ALDH1L2: variants seen among roughly 807,000 people sequenced by gnomAD.
The protein encoded by ALDH1L2 is mitochondrial 10-formyltetrahydrofolate dehydrogenase.
Under a neutral mutation model 111.0 loss-of-function variants are expected in ALDH1L2, and 91 were observed. The ratio of observed to expected loss-of-function variants is 0.82; its 90% CI spans 0.69 to 0.98. The LOEUF is 0.98. ALDH1L2 is among the 50% of genes least tolerant of loss of function. ALDH1L2 has a pLI of 0.00. For synonymous variants in ALDH1L2, 374 were observed against 392.6 expected, an observed-to-expected ratio of 0.95 and a Z score of 0.56; for missense variants, 995 against 1,126.8, an observed-to-expected ratio of 0.88 and a Z score of 1.67.
In ALDH1L2 at chr12:105,052,122, C is replaced by T; in HGVS notation, c.1503G>A (p.Met501Ile). The change falls in exon 12 of 23, where the codon ATG becomes ATA. Residue 501 changes from methionine to isoleucine, a missense_variant. Physicochemically the swap from Met to Ile is conservative, Grantham distance 10. Coordinates refer to ENST00000258494, the MANE Select transcript of ALDH1L2 (RefSeq NM_001034173.4). The part of the protein sequence containing the change: ...DAFENGEWGR[M>I]NARERGRLMY... ...TCAATCTTCCTCTTTCTCTTGCATT[C>T]ATTCTTCCCCATTCACCGTTTTCAA... is the stretch of plus-strand genomic sequence containing the variant. The T allele has an allele frequency of 1.9e-6, 3 of 1,610,414 alleles. No homozygotes were observed. Among genetic ancestry groups the T allele is most frequent in the Non-Finnish European group, 1.7e-6 (2 of 1,178,334 alleles).
intron 9 of ALDH1L2, 122 bp from the exon 10 acceptor site, chr12:105,058,342 A>G (rs1876769684): frequency 4.1e-6 from 4 of 970,210 alleles, no homozygotes; most frequent in African/African-American, 3.4e-5. Context: ...TTTATATCCT[A>G]TGAGATCTTC....
intron 12 of ALDH1L2, 91 bp downstream of exon 12, chr12:105,051,999 G>A: frequency 1.6e-6 from 2 of 1,216,130 alleles, no homozygotes; most frequent in Non-Finnish European, 2.1e-6. Flanking sequence ...CCTGAGGTCA[G>A]GAATTTGAGA....
intron 6 of ALDH1L2, among the ~76,000 whole-genome samples, chr12:105,064,439 C>G (rs1045755868): frequency 2.0e-5 from 3 of 152,168 alleles, no homozygotes; most frequent in Non-Finnish European, 2.9e-5. Flanking sequence ...ATCCTGCACT[C>G]TTAACCATTA....
At chr12:105,068,677 CT>C in intron 4 of ALDH1L2, 41 bp downstream of exon 4, 3 of 1,376,232 alleles carry the variant, frequency 2.2e-6, no homozygotes, top group Non-Finnish European at 2.8e-6. Context: ...ATTTTCAAAA[CT>C]TTAAAGGTTT....
intron 5 of ALDH1L2, among the ~76,000 whole-genome samples, chr12:105,066,279 G>A (rs1877348081): frequency 6.6e-6 from 1 of 152,178 alleles, no homozygotes; most frequent in Admixed American, 6.5e-5. Context: ...TGTTTGCATA[G>A]TATCTCCTCT....
chr12:105,028,652 G>A (rs367859027), intron 21 of ALDH1L2, among the ~76,000 whole-genome samples: 7 of 152,306 alleles, frequency 4.6e-5, no homozygotes, highest in African/African-American at 1.7e-4. Context: ...CATTGCATAT[G>A]GTAGGGACCC....
In ALDH1L2 at chr12:105,049,875, T is replaced by A. The variant is rs1453010775; in HGVS notation, c.1686+33A>T. On this transcript the variant is annotated intron_variant, in intron 13 of 22. Transcript: ENST00000258494. ...TACAAACTAATCAATGTTAGTCCCT[T>A]TTTCTTTCAGAACAAATAATATTTG... is the stretch of plus-strand genomic sequence containing the variant. 4.4e-6 allele frequency: 7 copies of A among 1,587,840 alleles called. No individual in the cohort carries two copies. In the South Asian group the frequency reaches 8.1e-5, roughly 18 times the overall value.
chr12:105,058,022 T>C (rs1188921499), intron 10 of ALDH1L2, 51 bp downstream of exon 10: 2 of 1,556,492 alleles, frequency 1.3e-6, no homozygotes, highest in Non-Finnish European at 8.6e-7. Flanking sequence ...CAGTCTTTTA[T>C]AGTGTATGGA....
intron 21 of ALDH1L2, among the ~76,000 whole-genome samples, chr12:105,027,435 A>G (rs887786689): frequency 6.6e-6 from 1 of 152,130 alleles, no homozygotes; most frequent in African/African-American, 2.4e-5. Context: ...CATAAGGTTC[A>G]AGCCTCCTTC....
At chr12:105,041,646 ATT>A (rs1386247067) in intron 15 of ALDH1L2, among the ~76,000 whole-genome samples, 1 of 152,138 alleles carries the variant, frequency 6.6e-6, no homozygotes, top group Non-Finnish European at 1.5e-5. Context: ...CCAAATGGTG[ATT>A]TTCCAATTCC....
chr12:105,041,861 G>T (rs1423028122), intron 15 of ALDH1L2, among the ~76,000 whole-genome samples: 1 of 131,902 alleles, frequency 7.6e-6, no homozygotes, highest in African/African-American at 2.7e-5. Flanking sequence ...TCATTCTGAC[G>T]TGCCCCTATT....
chr12:105,051,230 A>G (rs1479155084), intron 12 of ALDH1L2, among the ~76,000 whole-genome samples: 3 of 152,094 alleles, frequency 2.0e-5, no homozygotes, highest in Non-Finnish European at 2.9e-5. Context: ...CTGGTGAATG[A>G]CCTTTATAGA....
chr12:105,035,825 CTATATA>C (rs370890697), intron 18 of ALDH1L2, among the ~76,000 whole-genome samples: 2,070 of 62,748 alleles, frequency 0.033, 193 homozygotes, highest in East Asian at 0.16. Context: ...TATAGTGTGT[CTATATA>C]TATATATATG....
At chr12:105,036,512 TTTTATATATATATATATATATATATA>T (rs1875124177) in intron 18 of ALDH1L2, among the ~76,000 whole-genome samples, 1 of 56,082 alleles carries the variant, frequency 1.8e-5, no homozygotes, top group Non-Finnish European at 3.5e-5. Flanking sequence ...TATATATATA[TTTTATATATATATATATATATATATA>T]TATATATATA....
intron 10 of ALDH1L2, among the ~76,000 whole-genome samples, chr12:105,056,354 A>G (rs1300980002): frequency 6.6e-6 from 1 of 152,176 alleles, no homozygotes; most frequent in Non-Finnish European, 1.5e-5. Context: ...TCCCAAGTGA[A>G]CAAAAACAGA....
chr12:105,036,846 C>T (rs1191260503), intron 18 of ALDH1L2, among the ~76,000 whole-genome samples: 1 of 152,064 alleles, frequency 6.6e-6, no homozygotes, highest in Non-Finnish European at 1.5e-5. Flanking sequence ...CTAACCCAGA[C>T]ATCCAGGGGA....
At position 105,070,805 on chromosome 12, in the gene ALDH1L2, C is replaced by T; in HGVS notation, c.194-1G>A. ...GTCCCATCTTTCTCTGCAGCCAAAG[C>T]TGAGCATAAAAAAGAAGATTTTTTT... On this transcript the variant is annotated splice_acceptor_variant, in intron 2 of 22. Coordinates refer to ENST00000258494, the MANE Select transcript of ALDH1L2 (RefSeq NM_001034173.4). LOFTEE classifies it high-confidence loss of function. 6.2e-7 allele frequency: 1 copy of T among 1,601,946 alleles called. No homozygotes were observed. Among genetic ancestry groups the T allele is most frequent in the Non-Finnish European group, 8.5e-7 (1 of 1,176,124 alleles).
intron 21 of ALDH1L2, among the ~76,000 whole-genome samples, chr12:105,029,506 T>C (rs1268508458): frequency 6.6e-6 from 1 of 152,180 alleles, no homozygotes; most frequent in East Asian, 1.9e-4. Context: ...TTACAGTAGA[T>C]TCCCTCAAAC....
At chr12:105,071,782 G>A (rs918535498) in intron 2 of ALDH1L2, among the ~76,000 whole-genome samples, 10 of 145,752 alleles carry the variant, frequency 6.9e-5, no homozygotes, top group African/African-American at 1.5e-4. Context: ...TCAGCCTCCC[G>A]AGTAGTATAT....
Sources: allele counts gnomAD v4.1 joint callset (sites outside exome capture counted in the v4.1 genomes callset), GRCh38; gene constraint gnomAD v4.1.1; transcripts MANE v1.5; gene names NCBI Gene and HGNC (gene_info 2026-07-23, HGNC 2026-07-21).